The following SPIDR variants were observed in gnomAD, a reference collection of about 807,000 sequenced individuals.
The protein encoded by SPIDR is DNA repair-scaffolding protein.
In SPIDR, 93 loss-of-function variants were observed where a neutral mutation model predicts 104.6. That is an observed-to-expected ratio of 0.89 (90% confidence interval 0.75 to 1.06). The LOEUF (loss-of-function observed/expected upper bound fraction) is 1.06, where lower values mean the gene tolerates loss of function less well. Among genes scored for constraint, SPIDR ranks in the 50% least tolerant of loss-of-function variants. The probability of loss-of-function intolerance (pLI) is 0.00; values close to 1 mark genes in which losing one functional copy is unlikely to be tolerated. For synonymous variants in SPIDR, 431 were observed against 416.9 expected (o/e 1.03, Z -0.41); for missense variants, 1,154 against 1,111.2 (o/e 1.04, Z -0.55).
intron 7 of SPIDR, among the ~76,000 whole-genome samples, chr8:47,409,800 G>GGGA (rs1350106052): frequency 6.6e-6 from 1 of 152,168 alleles, no homozygotes; most frequent in Admixed American, 6.5e-5. Flanking sequence ...AGGCCAAGAC[G>GGGA]GGAGGATCAC....
At chr8:47,492,151 A>T (rs1219526898) in intron 8 of SPIDR, among the ~76,000 whole-genome samples, 3 of 152,114 alleles carry the variant, frequency 2.0e-5, no homozygotes, top group African/African-American at 7.2e-5. Flanking sequence ...GGTGGACATG[A>T]TGTGCCAAGA....
At position 47,280,941 on chromosome 8, in the gene SPIDR, A is replaced by T. The variant is rs1554558313; in HGVS notation, c.189+924A>T. Reference sequence around the variant, plus strand: ...CTCAGAAGATGAAACCATTGAGCATACTACTCTTCACAAGAAATGCATGTT... The same window carrying T: ...CTCAGAAGATGAAACCATTGAGCATTCTACTCTTCACAAGAAATGCATGTT... On this transcript the variant is annotated intron_variant, in intron 2 of 19. Transcript: ENST00000297423. Among the ~76,000 whole-genome samples the T allele has an allele frequency of 8.0e-4, 122 of 152,318 alleles. 1 individual carries two copies. The highest frequency in any genetic ancestry group is 3.7e-3 in the South Asian group (18 of 4,826).
intron 8 of SPIDR, among the ~76,000 whole-genome samples, chr8:47,570,766 C>T (rs2058418851): frequency 6.6e-6 from 1 of 152,060 alleles, no homozygotes; most frequent in African/African-American, 2.4e-5. Flanking sequence ...ATTCTTTCTG[C>T]AAAGAAGATA....
At chr8:47,352,976 C>G (rs542530930) in intron 5 of SPIDR, among the ~76,000 whole-genome samples, 122 of 150,486 alleles carry the variant, frequency 8.1e-4, no homozygotes, top group Non-Finnish European at 1.3e-3. Flanking sequence ...ATTGCTTGAA[C>G]CCAGGAGGCA....
intron 10 of SPIDR, among the ~76,000 whole-genome samples, chr8:47,650,962 C>G (rs1219273720): frequency 1.3e-5 from 2 of 152,038 alleles, no homozygotes; most frequent in East Asian, 3.9e-4. Flanking sequence ...CAAGATGGAT[C>G]AAAGACTTAA....
At chr8:47,306,129 A>G (rs1456840850) in intron 5 of SPIDR, among the ~76,000 whole-genome samples, 1 of 152,044 alleles carries the variant, frequency 6.6e-6, no homozygotes, top group African/African-American at 2.4e-5. Context: ...AGGTTAATCC[A>G]TGTTGTTAGA....
chr8:47,489,148 G>A (rs1246337490), intron 8 of SPIDR, among the ~76,000 whole-genome samples: 1 of 152,166 alleles, frequency 6.6e-6, no homozygotes, highest in Non-Finnish European at 1.5e-5. Context: ...AGCAACTTCA[G>A]CAAAGTCTCA....
At chr8:47,341,710 A>G (rs868907187) in intron 5 of SPIDR, among the ~76,000 whole-genome samples, 1 of 152,220 alleles carries the variant, frequency 6.6e-6, no homozygotes, top group Non-Finnish European at 1.5e-5. Context: ...CAGAGCCACT[A>G]GTAACATTTG....
At chr8:47,593,468 T>C (rs1242743931) in intron 8 of SPIDR, among the ~76,000 whole-genome samples, 1 of 152,226 alleles carries the variant, frequency 6.6e-6, no homozygotes, top group African/African-American at 2.4e-5. Flanking sequence ...CTTTGCCAGA[T>C]AATTCTAACC....
At chr8:47,445,943 A>G (rs1460140263) in intron 8 of SPIDR, among the ~76,000 whole-genome samples, 1 of 152,242 alleles carries the variant, frequency 6.6e-6, no homozygotes, top group Admixed American at 6.5e-5. Context: ...TTGATTCATG[A>G]GATTTAAGAA....
Position 47,599,060 on chromosome 8 carries a change from G to C in SPIDR, c.1408G>C (p.Glu470Gln), listed in dbSNP as rs2061954767. 6.2e-7 allele frequency: 1 copy of C among 1,612,792 alleles called. No homozygotes were observed. Among genetic ancestry groups the C allele is most frequent in the African/African-American group, 1.3e-5 (1 of 74,922 alleles). ...GAGGGATTCTCTCCTGGATGTGGTGGAAAGCCAGGGAGCTGCCTCGTGGCC... is the reference window on the plus strand; with the variant it reads ...GAGGGATTCTCTCCTGGATGTGGTGCAAAGCCAGGGAGCTGCCTCGTGGCC... ...PLRDSLLDVV[E>Q]SQGAASWPGA... Residue 470 changes from glutamate to glutamine, a missense_variant, in exon 10 of 20, where the codon GAA (glutamate) becomes CAA (glutamine). Transcript: ENST00000297423.
In SPIDR at chr8:47,735,797, G is replaced by T. The variant is rs2086191338; in HGVS notation, c.*347G>T. The T allele has an allele frequency of 2.1e-6, 1 of 466,552 alleles. No homozygotes were observed. The highest frequency in any genetic ancestry group is 4.2e-5 in the East Asian group (1 of 24,028). 28.9% of individuals were successfully genotyped at this position (466,552 alleles called of 1,614,324 possible). On this transcript the variant is annotated 3_prime_UTR_variant, in exon 20 of 20. Transcript: ENST00000297423. The stretch of plus-strand genomic sequence containing the variant: ...TTTAACAAGTTGAACATTTTACCAT[G>T]ATTGAACATGTTTTTATTACAGTAT...
At chr8:47,352,524 A>G (rs2053729991) in intron 5 of SPIDR, among the ~76,000 whole-genome samples, 1 of 152,000 alleles carries the variant, frequency 6.6e-6, no homozygotes, top group Admixed American at 6.6e-5. Flanking sequence ...AGGGCTAAAC[A>G]TTTTTCATTG....
chr8:47,497,082 A>C (rs1271496860), intron 8 of SPIDR, among the ~76,000 whole-genome samples: 1 of 151,806 alleles, frequency 6.6e-6, no homozygotes, highest in Non-Finnish European at 1.5e-5. Flanking sequence ...TGATTTTCAC[A>C]ATTTGAGCCT....
chr8:47,515,583 T>C lies in SPIDR; in HGVS notation c.1097+75041T>C, dbSNP rs150158150. 3.1e-4 allele frequency among the ~76,000 whole-genome samples: 47 copies of C among 152,328 alleles called. No individual in the cohort carries two copies. In the East Asian group the frequency reaches 8.5e-3, roughly 28 times the overall value. On this transcript the variant is annotated intron_variant, in intron 8 of 19. Transcript: ENST00000297423. ...ATCTTAGGACCAGAATAGTGACATATATGGCTCTATAATAGCACTTACAGG... is the reference window on the plus strand; with the variant it reads ...ATCTTAGGACCAGAATAGTGACATACATGGCTCTATAATAGCACTTACAGG...
At chr8:47,439,788 A>G (rs2069046946) in intron 7 of SPIDR, among the ~76,000 whole-genome samples, 1 of 152,168 alleles carries the variant, frequency 6.6e-6, no homozygotes, top group Admixed American at 6.6e-5. Flanking sequence ...ATCCAGATCA[A>G]ATTCCACCCA....
At chr8:47,416,106 T>G (rs1247009580) in intron 7 of SPIDR, among the ~76,000 whole-genome samples, 1 of 152,108 alleles carries the variant, frequency 6.6e-6, no homozygotes, top group East Asian at 1.9e-4. Flanking sequence ...TAGCCAGGTG[T>G]GGTGGCAGGC....
At chr8:47,693,886 C>T (rs1029354116) in intron 11 of SPIDR, among the ~76,000 whole-genome samples, 1 of 152,228 alleles carries the variant, frequency 6.6e-6, no homozygotes, top group African/African-American at 2.4e-5. Context: ...GACATTCATG[C>T]AGTGGGAGCC....
At chr8:47,464,589 A>G (rs2074462287) in intron 8 of SPIDR, among the ~76,000 whole-genome samples, 2 of 152,036 alleles carry the variant, frequency 1.3e-5, no homozygotes, top group South Asian at 4.1e-4. Context: ...TTGAACTGAC[A>G]AGCAGCAACC....
Sources: allele counts gnomAD v4.1 joint callset (sites outside exome capture counted in the v4.1 genomes callset), GRCh38; gene constraint gnomAD v4.1.1; transcripts MANE v1.5; gene names NCBI Gene and HGNC (gene_info 2026-07-23, HGNC 2026-07-21).